HDAC9: variants seen among roughly 807,000 people sequenced by gnomAD.
The protein encoded by HDAC9 is MEF-2 interacting transcription repressor (MITR) protein.
Under a neutral mutation model 139.4 loss-of-function variants are expected in HDAC9, and 41 were observed. The ratio of observed to expected loss-of-function variants is 0.29; its 90% CI spans 0.23 to 0.38. The LOEUF is 0.38. HDAC9 is among the 10% of genes least tolerant of loss of function. The pLI is 1.00. For synonymous variants in HDAC9, 517 were observed against 476.2 expected, an observed-to-expected ratio of 1.09 and a Z score of -1.12; for missense variants, 1,147 against 1,297.0, an observed-to-expected ratio of 0.88 and a Z score of 1.78.
intron 1 of HDAC9, among the ~76,000 whole-genome samples, chr7:18,399,175 G>T (rs555747292): frequency 6.6e-6 from 1 of 152,242 alleles, no homozygotes; most frequent in Admixed American, 6.5e-5. Flanking sequence ...CTTTGGACTT[G>T]TTCATGAAGC....
At position 18,761,465 on chromosome 7, in the gene HDAC9, G is replaced by A. The variant is rs907198715; in HGVS notation, c.2044-692G>A. 3.9e-5 allele frequency among the ~76,000 whole-genome samples: 6 copies of A among 152,048 alleles called. No individual in the cohort carries two copies. In the South Asian group the frequency reaches 6.2e-4, roughly 16 times the overall value. ...ATAAAAAATGTTAAAAATGAAATAC[G>A]GCAAAAGTGAAATAAATATTGAAGA... On this transcript the variant is annotated intron_variant, in intron 14 of 25. Coordinates refer to ENST00000686413, the MANE Select transcript of HDAC9 (RefSeq NM_178425.4).
chr7:18,212,120 C>G (rs558605475), intron 2 of HDAC9, among the ~76,000 whole-genome samples: 74 of 152,194 alleles, frequency 4.9e-4, no homozygotes, highest in African/African-American at 1.6e-3. Flanking sequence ...TGTCCAGCAC[C>G]TATGTCTGAC....
At chr7:18,496,478 C>A in intron 2 of HDAC9, 154 bp downstream of exon 2, 1 of 634,022 alleles carries the variant, frequency 1.6e-6, no homozygotes, top group Non-Finnish European at 2.8e-6. Context: ...TAACTTAGAT[C>A]CCTTCCATTA....
At chr7:18,724,497 T>C (rs1408024720) in intron 12 of HDAC9, among the ~76,000 whole-genome samples, 11 of 152,204 alleles carry the variant, frequency 7.2e-5, no homozygotes, top group South Asian at 2.1e-4. Flanking sequence ...AACTGGAAGT[T>C]GCTGTGGGTG....
intron 21 of HDAC9, among the ~76,000 whole-genome samples, chr7:18,862,159 G>A (rs1277130164): frequency 6.6e-6 from 1 of 152,172 alleles, no homozygotes; most frequent in African/African-American, 2.4e-5. Flanking sequence ...ACACACTTTA[G>A]AATCGTTCTG....
At chr7:18,752,376 G>A (rs376723852) in intron 14 of HDAC9, among the ~76,000 whole-genome samples, 1 of 152,040 alleles carries the variant, frequency 6.6e-6, no homozygotes, top group East Asian at 1.9e-4. Flanking sequence ...TTATTCACTC[G>A]ACAGAGGAAG....
At chr7:18,821,899 C>G (rs1298059360) in intron 17 of HDAC9, among the ~76,000 whole-genome samples, 1 of 152,072 alleles carries the variant, frequency 6.6e-6, no homozygotes, top group African/African-American at 2.4e-5. Context: ...ATCAGTTTAC[C>G]TACTAGATTA....
intron 2 of HDAC9, among the ~76,000 whole-genome samples, chr7:18,270,576 T>C (rs921649637): frequency 3.3e-5 from 5 of 152,170 alleles, no homozygotes; most frequent in Non-Finnish European, 5.9e-5. Flanking sequence ...CGTTATTTTT[T>C]CTGTAAAAAG....
At chr7:18,888,880 A>G (rs17350355) in intron 22 of HDAC9, among the ~76,000 whole-genome samples, 79,248 of 152,080 alleles carry the variant, frequency 0.52, 22,174 homozygotes, top group East Asian at 0.65. Flanking sequence ...CTAGTCATAT[A>G]TAACAATAGA....
intron 21 of HDAC9, among the ~76,000 whole-genome samples, chr7:18,836,670 C>T (rs1186823787): frequency 6.6e-6 from 1 of 152,066 alleles, no homozygotes; most frequent in African/African-American, 2.4e-5. Flanking sequence ...TCAAAGGCTT[C>T]TCTTTGAGAG....
At chr7:18,375,689 G>C (rs1319397961) in intron 1 of HDAC9, among the ~76,000 whole-genome samples, 2 of 152,100 alleles carry the variant, frequency 1.3e-5, no homozygotes, top group Admixed American at 6.6e-5. Context: ...CCAGTGTGGA[G>C]CTGCATTCAC....
intron 1 of HDAC9, among the ~76,000 whole-genome samples, chr7:18,152,280 C>T (rs764070379): frequency 7.2e-5 from 11 of 152,110 alleles, no homozygotes; most frequent in Non-Finnish European, 1.5e-4. Flanking sequence ...CTATTAGAGC[C>T]AGCAACTTAC....
At chr7:18,246,572 T>C (rs1794548064) in intron 2 of HDAC9, among the ~76,000 whole-genome samples, 1 of 152,054 alleles carries the variant, frequency 6.6e-6, no homozygotes, top group African/African-American at 2.4e-5. Context: ...TCTGTGGATG[T>C]CTTTGGCATT....
rs1792013566 is a variant in HDAC9 at position 18,212,469 on chromosome 7, GCGT to G, written c.25+50122_25+50124del. On this transcript the variant is annotated intron_variant, in intron 2 of 12. Transcript: ENST00000417496. The stretch of plus-strand genomic sequence containing the variant: ...GAAAATACGGGTGTGAATTCTTGTT[GCGT>G]CATCAAAGATACAGATGTGAGTCCT... Among the ~76,000 whole-genome samples the G allele has an allele frequency of 3.9e-5, 6 of 152,228 alleles. No individual in the cohort carries two copies. In the South Asian group the frequency reaches 1.2e-3, roughly 32 times the overall value.
At chr7:18,101,072 A>G (rs894154534) in intron 1 of HDAC9, among the ~76,000 whole-genome samples, 1 of 152,054 alleles carries the variant, frequency 6.6e-6, no homozygotes, top group Non-Finnish European at 1.5e-5. Flanking sequence ...TTCTTTTCCT[A>G]ACTTTGGGTT....
chr7:18,577,531 C>G (rs1362451179), intron 2 of HDAC9, among the ~76,000 whole-genome samples: 1 of 152,142 alleles, frequency 6.6e-6, no homozygotes, highest in Non-Finnish European at 1.5e-5. Context: ...TGTCTCATGC[C>G]TTTCTCCTAT....
At chr7:18,979,901 A>T (rs1240355613) in intron 25 of HDAC9, among the ~76,000 whole-genome samples, 2 of 152,200 alleles carry the variant, frequency 1.3e-5, no homozygotes, top group Non-Finnish European at 2.9e-5. Flanking sequence ...AACACCTCTC[A>T]TGAGGCCCCA....
intron 1 of HDAC9, among the ~76,000 whole-genome samples, chr7:18,094,664 C>T (rs1324997824): frequency 6.6e-6 from 1 of 151,950 alleles, no homozygotes; most frequent in African/African-American, 2.4e-5. Context: ...CTGTATTGCC[C>T]AGAGTGGTCT....
At chr7:18,232,298 A>G (rs922431819) in intron 2 of HDAC9, among the ~76,000 whole-genome samples, 1 of 152,030 alleles carries the variant, frequency 6.6e-6, no homozygotes, top group African/African-American at 2.4e-5. Flanking sequence ...GTTGCAGTGT[A>G]ATTAATATGG....
Sources: allele counts gnomAD v4.1 joint callset (sites outside exome capture counted in the v4.1 genomes callset), GRCh38; gene constraint gnomAD v4.1.1; transcripts MANE v1.5; gene names NCBI Gene and HGNC (gene_info 2026-07-23, HGNC 2026-07-21).